The following ZNF385D variants were observed in gnomAD, a reference collection of about 807,000 sequenced individuals.
ZNF385D encodes zinc finger protein 385D.
ZNF385D carries 15 observed loss-of-function variants against 35.8 expected under a neutral mutation model. The ratio of observed to expected loss-of-function variants is 0.42; its 90% CI spans 0.28 to 0.64. The LOEUF (loss-of-function observed/expected upper bound fraction) is 0.64, where lower values mean the gene tolerates loss of function less well. Ranked by LOEUF, ZNF385D falls within the 30% of genes least tolerant of loss-of-function variation. ZNF385D has a pLI of 0.23. For synonymous variants in ZNF385D, 212 were observed against 186.8 expected, an observed-to-expected ratio of 1.13 and a Z score of -1.10; for missense variants, 474 against 494.6, an observed-to-expected ratio of 0.96 and a Z score of 0.39.
intron 3 of ZNF385D, among the ~76,000 whole-genome samples, chr3:21,774,412 A>G (rs2071202679): frequency 6.6e-6 from 1 of 151,912 alleles, no homozygotes. Context: ...CATCCTACAC[A>G]TGTACCCCCA....
At chr3:22,135,823 C>T (rs949836056) in intron 3 of ZNF385D, among the ~76,000 whole-genome samples, 1 of 151,966 alleles carries the variant, frequency 6.6e-6, no homozygotes, top group Non-Finnish European at 1.5e-5. Flanking sequence ...AGAAATTGAC[C>T]CACACAAGTA....
chr3:22,212,185 A>C (rs551551012), intron 2 of ZNF385D, among the ~76,000 whole-genome samples: 2 of 152,050 alleles, frequency 1.3e-5, no homozygotes, highest in East Asian at 3.9e-4. Flanking sequence ...AGGACTGAGG[A>C]AGAGGGAGAA....
intron 3 of ZNF385D, among the ~76,000 whole-genome samples, chr3:22,123,696 C>T (rs919704756): frequency 6.6e-6 from 1 of 152,044 alleles, no homozygotes; most frequent in Non-Finnish European, 1.5e-5. Context: ...CCCATCTCTA[C>T]TAAAAAGTAC....
At chr3:22,155,133 T>C (rs1247690673) in intron 3 of ZNF385D, among the ~76,000 whole-genome samples, 3 of 152,106 alleles carry the variant, frequency 2.0e-5, no homozygotes, top group African/African-American at 7.2e-5. Context: ...TCATTACACA[T>C]TGTATGAATA....
At chr3:21,669,770 T>C (rs2066506371) in intron 1 of ZNF385D, among the ~76,000 whole-genome samples, 1 of 152,238 alleles carries the variant, frequency 6.6e-6, no homozygotes, top group African/African-American at 2.4e-5. Context: ...TACTTAGGCT[T>C]TCTGAAAGCA....
chr3:22,183,304 GCTCTT>G (rs1381402409), intron 2 of ZNF385D, among the ~76,000 whole-genome samples: 4 of 152,048 alleles, frequency 2.6e-5, no homozygotes, highest in Admixed American at 2.6e-4. Context: ...TATGCATTCT[GCTCTT>G]CTCAAGTGCT....
At chr3:21,626,057 A>G (rs929390920) in intron 2 of ZNF385D, among the ~76,000 whole-genome samples, 3 of 152,068 alleles carry the variant, frequency 2.0e-5, no homozygotes, top group Admixed American at 6.6e-5. Flanking sequence ...TGAGGAAACT[A>G]TTAATAAAAT....
At chr3:22,159,669 A>C (rs1705817762) in intron 3 of ZNF385D, among the ~76,000 whole-genome samples, 1 of 152,246 alleles carries the variant, frequency 6.6e-6, no homozygotes, top group South Asian at 2.1e-4. Flanking sequence ...AAAAGCCAGA[A>C]ACATGATCCA....
At chr3:21,437,653 C>CT (rs1303423793) in intron 4 of ZNF385D, among the ~76,000 whole-genome samples, 1 of 96,062 alleles carries the variant, frequency 1.0e-5, no homozygotes, top group Non-Finnish European at 2.0e-5. Context: ...TTCATTGTTT[C>CT]TTTTTTTAAT....
chr3:21,573,034 C>T (rs1205024524), intron 2 of ZNF385D, among the ~76,000 whole-genome samples: 1 of 152,010 alleles, frequency 6.6e-6, no homozygotes, highest in Non-Finnish European at 1.5e-5. Context: ...CAGCTGGGTA[C>T]TTCTAGAGCT....
At chr3:21,466,532 A>C (rs1703528557) in intron 4 of ZNF385D, among the ~76,000 whole-genome samples, 2 of 152,166 alleles carry the variant, frequency 1.3e-5, no homozygotes, top group African/African-American at 4.8e-5. Context: ...TTACTAAAGC[A>C]TATATCCCTC....
intron 2 of ZNF385D, among the ~76,000 whole-genome samples, chr3:21,638,358 A>G (rs923412218): frequency 2.0e-5 from 3 of 151,970 alleles, no homozygotes; most frequent in Non-Finnish European, 4.4e-5. Flanking sequence ...CTGGTGTAAT[A>G]CAGATAATGT....
At chr3:22,149,853 T>G (rs1705106853) in intron 3 of ZNF385D, among the ~76,000 whole-genome samples, 1 of 152,148 alleles carries the variant, frequency 6.6e-6, no homozygotes, top group Non-Finnish European at 1.5e-5. Context: ...TTGTCTTTGA[T>G]GTTATCAGTG....
upstream of ZNF385D, among the ~76,000 whole-genome samples, chr3:21,753,963 C>T (rs1162537712): frequency 6.6e-6 from 1 of 152,120 alleles, no homozygotes; most frequent in Non-Finnish European, 1.5e-5. Flanking sequence ...TGGCTTATTT[C>T]ACTTAAGACA....
intron 2 of ZNF385D, among the ~76,000 whole-genome samples, chr3:22,348,848 T>C (rs1169836962): frequency 1.3e-5 from 2 of 152,110 alleles, no homozygotes; most frequent in Admixed American, 6.5e-5. Flanking sequence ...TAAATTTCTG[T>C]TTTTTAACCC....
At chr3:22,004,467 G>T (rs565887261) in intron 3 of ZNF385D, among the ~76,000 whole-genome samples, 1 of 152,140 alleles carries the variant, frequency 6.6e-6, no homozygotes, top group African/African-American at 2.4e-5. Context: ...TGCACAGCAA[G>T]AGAAACAATC....
At chr3:21,797,043 G>T (rs1227857302) in intron 3 of ZNF385D, among the ~76,000 whole-genome samples, 2 of 152,176 alleles carry the variant, frequency 1.3e-5, no homozygotes, top group African/African-American at 2.4e-5. Context: ...CTCCTTGAAA[G>T]ACATCGTCAA....
intron 2 of ZNF385D, among the ~76,000 whole-genome samples, chr3:21,594,797 C>T (rs1208280188): frequency 6.6e-6 from 1 of 152,122 alleles, no homozygotes; most frequent in African/African-American, 2.4e-5. Context: ...ATCTGCTGGC[C>T]ATGACCCATA....
chr3:21,967,622 T>A (rs1485255823), intron 3 of ZNF385D, among the ~76,000 whole-genome samples: 1 of 152,198 alleles, frequency 6.6e-6, no homozygotes, highest in Non-Finnish European at 1.5e-5. Context: ...TTTTGACATA[T>A]GCCAAGATAT....
Sources: gnomAD v4.1 joint callset for allele counts (sites outside exome capture counted in the v4.1 genomes callset) on GRCh38, gnomAD v4.1.1 for gene constraint, MANE v1.5 for transcripts, NCBI Gene and HGNC (gene_info 2026-07-23, HGNC 2026-07-21) for gene names.